ADAMTS7: variants seen among roughly 807,000 people sequenced by gnomAD.
ADAMTS7 encodes ADAM metallopeptidase with thrombospondin type 1 motif 7, also known as A disintegrin and metalloproteinase with thrombospondin motifs 7.
Under a neutral mutation model 172.6 loss-of-function variants are expected in ADAMTS7, and 89 were observed. The ratio of observed to expected loss-of-function variants is 0.52; its 90% CI spans 0.43 to 0.61. The LOEUF is 0.61. Among genes scored for constraint, ADAMTS7 ranks in the 20% least tolerant of loss-of-function variants. ADAMTS7 has a pLI of 0.00. For synonymous variants in ADAMTS7, 885 were observed against 978.4 expected, an observed-to-expected ratio of 0.90 and a Z score of 1.78; for missense variants, 1,973 against 2,355.6, an observed-to-expected ratio of 0.84 and a Z score of 3.36.
chr15:78,775,912 C>T (rs1190365269), intron 11 of ADAMTS7, among the ~76,000 whole-genome samples: 1 of 152,228 alleles, frequency 6.6e-6, no homozygotes, highest in African/African-American at 2.4e-5. Flanking sequence ...CTGCCTCCTT[C>T]CAGCCAGCAG....
At chr15:78,788,194 G>A in intron 8 of ADAMTS7, 37 bp downstream of exon 8, 2 of 1,609,656 alleles carry the variant, frequency 1.2e-6, no homozygotes, top group South Asian at 2.2e-5. Context: ...TTGACCTCAT[G>A]GATCAAGGTA....
At chr15:78,764,491 C>T (rs2055106358) in intron 20 of ADAMTS7, 64 bp downstream of exon 20, 19 of 1,500,390 alleles carry the variant, frequency 1.3e-5, no homozygotes, top group East Asian at 7.4e-5. Context: ...GAACACAGGC[C>T]GTGGGGAACC....
chr15:78,765,543 T>C, intron 19 of ADAMTS7, 102 bp downstream of exon 19: 1 of 1,554,802 alleles, frequency 6.4e-7, no homozygotes, highest in Non-Finnish European at 8.7e-7. Context: ...CAAGAGAGGC[T>C]AGACAGACGG....
intron 3 of ADAMTS7, 95 bp from the exon 4 acceptor site, chr15:78,796,881 T>G: frequency 1.7e-6 from 2 of 1,180,548 alleles, no homozygotes; most frequent in Non-Finnish European, 2.3e-6. Flanking sequence ...TCTGGGGCAC[T>G]GGGAACCACA....
Position 78,759,266 on chromosome 15 carries a change from A to G in ADAMTS7, c.*155T>C. The G allele has an allele frequency of 1.6e-6, 1 of 619,948 alleles. No homozygotes were observed. Among genetic ancestry groups the G allele is most frequent in the South Asian group, 2.6e-5 (1 of 38,072 alleles). 38.4% of individuals were successfully genotyped at this position (619,948 alleles called of 1,614,324 possible). ...AATAAATGTTACACAAACTGTTAGAATAAAAAAATACCTTTTTTGAGGGGG... is the reference window on the plus strand; with the variant it reads ...AATAAATGTTACACAAACTGTTAGAGTAAAAAAATACCTTTTTTGAGGGGG... On this transcript the variant is annotated 3_prime_UTR_variant, in exon 24 of 24. Coordinates refer to ENST00000388820, the MANE Select transcript of ADAMTS7 (RefSeq NM_014272.5).
chr15:78,795,973 A>G (rs1596197141), intron 4 of ADAMTS7, among the ~76,000 whole-genome samples: 1 of 152,268 alleles, frequency 6.6e-6, no homozygotes, highest in South Asian at 2.1e-4. Context: ...CGCCCTCTGA[A>G]GGCCTCTGAT....
In ADAMTS7 at chr15:78,777,579, C is replaced by A. The variant is rs1457753629; in HGVS notation, c.1332G>T (p.Trp444Cys). ...QYITRFLDRG[W>C]GLCLDDPPAK... ...CAGGAGGGTCGTCCAGGCACAGGCC[C>A]CACCCACGGCTAAAGATGGGACGGG... Residue 444 changes from tryptophan to cysteine, a missense_variant, in exon 9 of 24, where the codon TGG (tryptophan) becomes TGT (cysteine). Physicochemically the swap from Trp to Cys is radical, Grantham distance 215. Around this residue, in one of 8 missense-constraint regions of ADAMTS7, gnomAD observed 526 missense variants for 662.9 expected, o/e 0.79. Transcript: ENST00000388820. 1.7e-5 allele frequency: 27 copies of A among 1,604,830 alleles called. No homozygotes were observed. The highest frequency in any genetic ancestry group is 2.3e-5 in the Non-Finnish European group (27 of 1,176,106).
At chr15:78,781,373 C>A (rs1218443415) in intron 8 of ADAMTS7, among the ~76,000 whole-genome samples, 1 of 152,192 alleles carries the variant, frequency 6.6e-6, no homozygotes, top group Non-Finnish European at 1.5e-5. Context: ...GAGGGCCCTG[C>A]TGCCTGACTC....
At chr15:78,806,380 G>A (rs1466655585) in intron 1 of ADAMTS7, among the ~76,000 whole-genome samples, 1 of 152,108 alleles carries the variant, frequency 6.6e-6, no homozygotes, top group Non-Finnish European at 1.5e-5. Context: ...AGAGAAGTGG[G>A]GAAAAGCCAG....
intron 1 of ADAMTS7, among the ~76,000 whole-genome samples, chr15:78,801,201 A>G (rs2055720770): frequency 6.6e-6 from 1 of 152,092 alleles, no homozygotes; most frequent in Non-Finnish European, 1.5e-5. Context: ...TACTCTACTC[A>G]TCGTCTCTCC....
In ADAMTS7 at chr15:78,811,111, G is replaced by A. The variant is rs1016017988; in HGVS notation, c.100+10C>T. The A allele has an allele frequency of 5.7e-6, 7 of 1,230,012 alleles. No individual in the cohort carries two copies. Among genetic ancestry groups the A allele is most frequent in the Non-Finnish European group, 7.1e-6 (7 of 986,848 alleles). The allele number at this position is 1,230,012 out of a possible 1,614,324, so 76.2% of individuals were successfully genotyped here. A position where few individuals can be genotyped will look rare whatever the true frequency, so the allele number is the denominator to read the frequency against. Reference sequence around the variant, plus strand: ...CAGGCCCGGCTGGCCGGGGAGGGGCGGACACCCACCTGGTGCGGGTCCGGG... The same window carrying A: ...CAGGCCCGGCTGGCCGGGGAGGGGCAGACACCCACCTGGTGCGGGTCCGGG... On this transcript the variant is annotated intron_variant, in intron 1 of 23. Coordinates refer to ENST00000388820, the MANE Select transcript of ADAMTS7 (RefSeq NM_014272.5).
intron 1 of ADAMTS7, among the ~76,000 whole-genome samples, chr15:78,802,630 G>A (rs2055740784): frequency 6.6e-6 from 1 of 152,184 alleles, no homozygotes; most frequent in Non-Finnish European, 1.5e-5. Context: ...TTCCTAGTAA[G>A]GCCTGGATTC....
intron 8 of ADAMTS7, among the ~76,000 whole-genome samples, chr15:78,787,159 G>A (rs181179002): frequency 2.6e-4 from 39 of 151,942 alleles, no homozygotes; most frequent in Admixed American, 1.3e-3. Context: ...TGGGCGAGTC[G>A]AAAGTTATAC....
chr15:78,785,927 T>C (rs1181731143), intron 8 of ADAMTS7, among the ~76,000 whole-genome samples: 1 of 134,510 alleles, frequency 7.4e-6, no homozygotes, highest in African/African-American at 2.8e-5. Context: ...TGCCATCTTC[T>C]ATTATTTTTT....
In ADAMTS7 at chr15:78,785,954, T is replaced by C. The variant is rs567139777; in HGVS notation, c.1322+2277A>G. ...TTATTTTTTTTTTTTGAGACGGAGT[T>C]TTTTTGCTCTTGTTGCCCAGGTTGG... On this transcript the variant is annotated intron_variant, in intron 8 of 23. Coordinates refer to ENST00000388820, the MANE Select transcript of ADAMTS7 (RefSeq NM_014272.5). Among the ~76,000 whole-genome samples, 857 of 150,720 alleles carry C rather than the reference T, an allele frequency of 5.7e-3. 11 individuals are homozygous for C. The highest frequency in any genetic ancestry group is 0.02 in the African/African-American group (812 of 41,202).
At chr15:78,787,727 G>A (rs1326998648) in intron 8 of ADAMTS7, among the ~76,000 whole-genome samples, 1 of 152,062 alleles carries the variant, frequency 6.6e-6, no homozygotes, top group East Asian at 1.9e-4. Flanking sequence ...GAAAAAAAAG[G>A]AGAAAGCTTC....
At position 78,788,289 on chromosome 15, in the gene ADAMTS7, C is replaced by T. The variant is rs373701558; in HGVS notation, c.1264G>A (p.Asp422Asn). 4 of 1,613,682 alleles carry T rather than the reference C, an allele frequency of 2.5e-6. No homozygotes were observed. The highest frequency in any genetic ancestry group is 2.2e-5 in the East Asian group (1 of 44,892). ...CGGGACCAGGTGAGGGGAGCGGCGTCGTACAGGAGCTGTGGAGACATGATG... is the reference window on the plus strand; with the variant it reads ...CGGGACCAGGTGAGGGGAGCGGCGTTGTACAGGAGCTGTGGAGACATGATG... ...PFIMSPQLLY[D>N]AAPLTWSRCS... The change falls in exon 8 of 24, where the codon GAC becomes AAC. Residue 422 changes from aspartate to asparagine, a missense_variant. This residue lies in a region of ADAMTS7 where 526 missense variants were observed against 662.9 expected (regional missense o/e 0.79). Coordinates refer to ENST00000388820, the MANE Select transcript of ADAMTS7 (RefSeq NM_014272.5).
intron 1 of ADAMTS7, among the ~76,000 whole-genome samples, chr15:78,802,670 C>A (rs551177430): frequency 6.6e-6 from 1 of 152,138 alleles, no homozygotes; most frequent in African/African-American, 2.4e-5. Flanking sequence ...ACCCCTTCTC[C>A]TCAGAACAAT....
intron 6 of ADAMTS7, 33 bp from the exon 7 acceptor site, chr15:78,789,871 C>G (rs758820100): frequency 6.4e-7 from 1 of 1,552,734 alleles, no homozygotes; most frequent in Non-Finnish European, 8.7e-7. Flanking sequence ...TTCAGGCTAA[C>G]CTGGCCCAGT....
Sources: gnomAD v4.1 joint callset for allele counts (sites outside exome capture counted in the v4.1 genomes callset) on GRCh38, gnomAD v4.1.1 for gene constraint, gnomAD v4.1.1 regional missense constraint, MANE v1.5 for transcripts, NCBI Gene and HGNC (gene_info 2026-07-23, HGNC 2026-07-21) for gene names.